Variants in KAT7 observed in about 807,000 individuals in gnomAD.
KAT7 encodes the protein lysine acetyltransferase 7, also known as histone acetyltransferase KAT7.
KAT7 carries 10 observed loss-of-function variants against 82.1 expected under a neutral mutation model. That is an observed-to-expected ratio of 0.12 (90% confidence interval 0.08 to 0.21). KAT7 has a LOEUF of 0.21. Among genes scored for constraint, KAT7 ranks in the 10% least tolerant of loss-of-function variants. The pLI is 1.00. For missense variants in KAT7, 378 were observed against 760.9 expected (o/e 0.50, Z 5.92); for synonymous variants, 250 against 262.5 (o/e 0.95, Z 0.46).
chr17:49,815,686 G>T (rs1017655656), intron 7 of KAT7, 117 bp from the exon 8 acceptor site: 35 of 677,462 alleles, frequency 5.2e-5, no homozygotes, highest in Non-Finnish European at 8.5e-5. Flanking sequence ...CACCTAGTAT[G>T]TAGGCACTAA....
rs71146937 is a variant in KAT7, at chr17:49,808,120, C to CTT, written c.664-979_664-978dup. Reference sequence around the variant, plus strand: ...CCCTGGAGACTTGAACCCAGGTTTTCTTTTTTTTTTTTTTTTTTTTTGAGA... The same window carrying CTT: ...CCCTGGAGACTTGAACCCAGGTTTTCTTTTTTTTTTTTTTTTTTTTTTTGAGA... On this transcript the variant is annotated intron_variant, in intron 5 of 14. Transcript: ENST00000259021. Among the ~76,000 whole-genome samples, 945 of 112,744 alleles carry CTT rather than the reference C, an allele frequency of 8.4e-3. 19 individuals carry two copies. Among genetic ancestry groups the CTT allele is most frequent in the African/African-American group, 0.024 (707 of 29,608 alleles). 74.0% of individuals were successfully genotyped at this position (112,744 alleles called of 152,430 possible).
intron 9 of KAT7, among the ~76,000 whole-genome samples, chr17:49,820,467 C>T (rs966196633): frequency 2.6e-5 from 4 of 152,142 alleles, no homozygotes; most frequent in Non-Finnish European, 4.4e-5. Context: ...TTAGTAGAGA[C>T]GGGGTTTCAC....
At chr17:49,807,893 T>C (rs1342675274) in intron 5 of KAT7, among the ~76,000 whole-genome samples, 1 of 152,188 alleles carries the variant, frequency 6.6e-6, no homozygotes, top group Non-Finnish European at 1.5e-5. Context: ...TAGACAGTAT[T>C]GCCATTTATT....
At chr17:49,802,536 G>A (rs1053266535) in intron 4 of KAT7, among the ~76,000 whole-genome samples, 13 of 152,012 alleles carry the variant, frequency 8.6e-5, no homozygotes, top group African/African-American at 2.9e-4. Context: ...GCGTGGTGGC[G>A]GCGCTTGTAA....
In KAT7 at chr17:49,834,269, TC is replaced by T. The variant is rs2074445675; in HGVS notation, c.*6769del. The stretch of plus-strand genomic sequence containing the variant: ...CTCCAGCTATCCTCCCACCTCAACC[TC>T]CAGAGTAGTTGAGACCACAGGCGTG... On this transcript the variant is annotated 3_prime_UTR_variant, in exon 15 of 15. Transcript: ENST00000259021. The T allele has an allele frequency of 6.6e-6, 1 of 152,160 alleles. No homozygotes were observed. The highest frequency in any genetic ancestry group is 1.5e-5 in the Non-Finnish European group (1 of 68,040). The allele number at this position is 152,160 out of a possible 1,614,324, so 9.4% of individuals were successfully genotyped here. A position where few individuals can be genotyped will look rare whatever the true frequency, so the allele number is the denominator to read the frequency against.
intron 9 of KAT7, among the ~76,000 whole-genome samples, chr17:49,819,082 G>T (rs990827033): frequency 6.6e-6 from 1 of 152,160 alleles, no homozygotes; most frequent in Admixed American, 6.6e-5. Context: ...GGCCTCTGGG[G>T]TGTCTCTTTT....
At chr17:49,800,429 G>A (rs146437901) in intron 4 of KAT7, among the ~76,000 whole-genome samples, 2 of 152,238 alleles carry the variant, frequency 1.3e-5, no homozygotes, top group East Asian at 3.9e-4. Context: ...GGCCTGCATT[G>A]ATTTCCTTGG....
chr17:49,822,882 T>G (rs1434389215), intron 11 of KAT7, among the ~76,000 whole-genome samples: 1 of 152,162 alleles, frequency 6.6e-6, no homozygotes, highest in Non-Finnish European at 1.5e-5. Context: ...GCAGCTCCTT[T>G]TCAAAAATTG....
Position 49,818,004 on chromosome 17 carries a change from G to A in KAT7, c.1148G>A (p.Arg383Gln). ...ATGAAGAGCCAAACGATACTCCGCCGGCACATGGTGAGTTGTCTTGGGTTC... is the reference window on the plus strand; with the variant it reads ...ATGAAGAGCCAAACGATACTCCGCCAGCACATGGTGAGTTGTCTTGGGTTC... ...KYMKSQTILR[R>Q]HMAKCVWKHP... Residue 383 changes from arginine to glutamine, a missense_variant, in exon 9 of 15, where the codon CGG (arginine) becomes CAG (glutamine). Arg to Gln is a conservative substitution (Grantham distance 43). Transcript: ENST00000259021. The A allele has an allele frequency of 6.2e-7, 1 of 1,613,162 alleles. No individual in the cohort carries two copies. Among genetic ancestry groups the A allele is most frequent in the Non-Finnish European group, 8.5e-7 (1 of 1,179,276 alleles).
chr17:49,818,165 G>A (rs1320941453), intron 9 of KAT7, among the ~76,000 whole-genome samples, 154 bp downstream of exon 9: 1 of 152,178 alleles, frequency 6.6e-6, no homozygotes, highest in Non-Finnish European at 1.5e-5. Context: ...ACAGCTTAAG[G>A]CGGGGTATAG....
chr17:49,811,108 CTT>C (rs1210334611), intron 6 of KAT7, among the ~76,000 whole-genome samples: 1 of 143,404 alleles, frequency 7.0e-6, no homozygotes. Context: ...TTGGTACCTT[CTT>C]TTTTTTTTTT....
At chr17:49,811,065 C>T (rs1265757898) in intron 6 of KAT7, among the ~76,000 whole-genome samples, 1 of 151,326 alleles carries the variant, frequency 6.6e-6, no homozygotes, top group Non-Finnish European at 1.5e-5. Flanking sequence ...AAATTTCTGG[C>T]ATTTTTTTCT....
At chr17:49,808,595 C>T (rs189770996) in intron 5 of KAT7, among the ~76,000 whole-genome samples, 293 of 151,222 alleles carry the variant, frequency 1.9e-3, no homozygotes, top group African/African-American at 6.7e-3. Flanking sequence ...GGATCACAGG[C>T]GCCTGCCACC....
intron 1 of KAT7, among the ~76,000 whole-genome samples, chr17:49,790,487 A>G (rs2073872936): frequency 1.3e-5 from 2 of 152,172 alleles, no homozygotes; most frequent in Non-Finnish European, 2.9e-5. Flanking sequence ...ATGAGCCACC[A>G]CGCCCGGCCG....
chr17:49,818,135 G>A (rs2074256578), intron 9 of KAT7, 124 bp downstream of exon 9: 7 of 719,536 alleles, frequency 9.7e-6, no homozygotes, highest in South Asian at 3.7e-5. Context: ...GTGGGATGAA[G>A]GCATAGGAAA....
At chr17:49,811,137 C>A (rs1377097407) in intron 6 of KAT7, among the ~76,000 whole-genome samples, 6 of 147,976 alleles carry the variant, frequency 4.1e-5, no homozygotes, top group Non-Finnish European at 1.5e-5. Flanking sequence ...GTGCCAGAGT[C>A]TCGCTCTGTC....
chr17:49,789,461 C>T (rs2073855793), intron 1 of KAT7: 1 of 152,384 alleles, frequency 6.6e-6, no homozygotes, highest in African/African-American at 2.4e-5. Flanking sequence ...TGCCTCTTTC[C>T]TTATTTGCTA....
At position 49,827,803 on chromosome 17, in the gene KAT7, C is replaced by T. The variant is rs1277410696; in HGVS notation, c.*301C>T. 2 of 344,306 alleles carry T rather than the reference C, an allele frequency of 5.8e-6. No homozygotes were observed. Among genetic ancestry groups the T allele is most frequent in the African/African-American group, 2.1e-5 (1 of 48,084 alleles). The allele number at this position is 344,306 out of a possible 1,614,324, so 21.3% of individuals were successfully genotyped here. On this transcript the variant is annotated 3_prime_UTR_variant, in exon 15 of 15. Coordinates refer to ENST00000259021, the MANE Select transcript of KAT7 (RefSeq NM_007067.5). ...TACTGTACCTGTCCAGTCACTGGTT[C>T]TCTCCTCATGTCCTCTCGCCCCATG...
chr17:49,798,815 T>C (rs922484319), intron 4 of KAT7, among the ~76,000 whole-genome samples: 1 of 152,126 alleles, frequency 6.6e-6, no homozygotes, highest in Non-Finnish European at 1.5e-5. Context: ...AGTGAAAAAT[T>C]CCCTCATTTT....
Sources: allele counts gnomAD v4.1 joint callset (sites outside exome capture counted in the v4.1 genomes callset), GRCh38; gene constraint gnomAD v4.1.1; transcripts MANE v1.5; gene names NCBI Gene and HGNC (gene_info 2026-07-23, HGNC 2026-07-21).